The following PCDH15 variants were observed in gnomAD, a reference collection of about 807,000 sequenced individuals.
PCDH15 encodes the protein protocadherin-15.
A neutral mutation model predicts 178.5 loss-of-function variants in PCDH15; 129 were observed. That is an observed-to-expected ratio of 0.72 (90% CI 0.63 to 0.84). PCDH15 has a LOEUF of 0.84. PCDH15 is among the 40% of genes least tolerant of loss of function. The pLI is 0.00. For synonymous variants in PCDH15, 800 were observed against 732.0 expected (o/e 1.09, Z -1.50); for missense variants, 2,230 against 2,099.9 (o/e 1.06, Z -1.21).
In PCDH15 at chr10:53,907,543, T is replaced by A. The variant is rs569634075; in HGVS notation, c.3374-4173A>T. ...AAAGTGTTTTGGTTAAGAGACATTA[T>A]AATTTTTCTGTGTGCTTTGGGGCAC... On this transcript the variant is annotated intron_variant, in intron 25 of 37. Coordinates refer to ENST00000644397, the MANE Select transcript of PCDH15 (RefSeq NM_001384140.1). 3.3e-5 allele frequency among the ~76,000 whole-genome samples: 5 copies of A among 152,320 alleles called. No individual in the cohort carries two copies. The East Asian group carries it at 9.7e-4, about 29-fold the overall frequency.
chr10:54,866,917 T>C (rs1288215176), intron 3 of PCDH15, among the ~76,000 whole-genome samples: 1 of 152,202 alleles, frequency 6.6e-6, no homozygotes, highest in Non-Finnish European at 1.5e-5. Flanking sequence ...AAAAGGTCTC[T>C]TAGGAATATT....
chr10:55,481,019 T>A lies in PCDH15; in HGVS notation c.-156+146606A>T, dbSNP rs188612189. Among the ~76,000 whole-genome samples, 211 of 151,902 alleles carry A rather than the reference T, an allele frequency of 1.4e-3. 2 individuals carry two copies. Among genetic ancestry groups the A allele is most frequent in the African/African-American group, 5.0e-3 (207 of 41,502 alleles). On this transcript the variant is annotated intron_variant, in intron 2 of 5. Coordinates refer to the PCDH15 transcript ENST00000613346. ...ATTACTCCCTCAATTTCAGAACTCA[T>A]TATTGGTCTGATCAGGGATTTGACT...
In PCDH15 at chr10:54,154,086, T is replaced by C. The variant is rs1006009050; in HGVS notation, c.1591-793A>G. ...AAAAGACTTTATTTGGGATATTATA[T>C]GAAAAGATAACAATGATTAACTTCA... On this transcript the variant is annotated intron_variant, in intron 13 of 37. Coordinates refer to ENST00000644397, the MANE Select transcript of PCDH15 (RefSeq NM_001384140.1). Among the ~76,000 whole-genome samples, 3 of 152,168 alleles carry C rather than the reference T, an allele frequency of 2.0e-5. 1 individual carries two copies. The highest frequency in any genetic ancestry group is 2.0e-4 in the Admixed American group (3 of 15,256).
intron 3 of PCDH15, among the ~76,000 whole-genome samples, chr10:54,380,800 A>C (rs1325497914): frequency 1.4e-5 from 2 of 145,972 alleles, no homozygotes; most frequent in African/African-American, 5.1e-5. Flanking sequence ...AACTATCTTT[A>C]CAAAGCAAAT....
chr10:55,601,874 CG>C (rs987893034), intron 2 of PCDH15, among the ~76,000 whole-genome samples: 29 of 152,048 alleles, frequency 1.9e-4, no homozygotes, highest in African/African-American at 6.7e-4. Context: ...TACACACACA[CG>C]GGGGGAGGAG....
chr10:54,321,346 T>A (rs1023717733), intron 7 of PCDH15, among the ~76,000 whole-genome samples: 2 of 150,278 alleles, frequency 1.3e-5, no homozygotes, highest in Admixed American at 1.3e-4. Context: ...AAATAATGAT[T>A]GCTTATGAAG....
chr10:55,027,675 C>T (rs1840507304), intron 2 of PCDH15, among the ~76,000 whole-genome samples: 1 of 151,764 alleles, frequency 6.6e-6, no homozygotes, highest in South Asian at 2.1e-4. Context: ...GATCATAGTT[C>T]ATAATATAGC....
chr10:54,281,604 A>G (rs564414509), intron 8 of PCDH15, among the ~76,000 whole-genome samples: 14 of 152,174 alleles, frequency 9.2e-5, no homozygotes, highest in African/African-American at 3.1e-4. Flanking sequence ...AGGGTATACA[A>G]TGGAAGCAGA....
intron 1 of PCDH15, among the ~76,000 whole-genome samples, chr10:55,265,503 C>T (rs1316587597): frequency 6.6e-6 from 1 of 152,024 alleles, no homozygotes; most frequent in Admixed American, 6.5e-5. Flanking sequence ...TTTGGGGATG[C>T]ACTTTGCATC....
chr10:54,805,352 A>T (rs1330760879), upstream of PCDH15, among the ~76,000 whole-genome samples: 1 of 152,092 alleles, frequency 6.6e-6, no homozygotes, highest in Non-Finnish European at 1.5e-5. Context: ...TGTCTCACCA[A>T]ATTGCCTGGG....
intron 2 of PCDH15, among the ~76,000 whole-genome samples, chr10:54,953,506 A>T (rs1838398165): frequency 6.6e-6 from 1 of 151,438 alleles, no homozygotes. Flanking sequence ...CTTCTTAAGA[A>T]ATCATTATAA....
intron 32 of PCDH15, chr10:53,821,766 T>C: frequency 6.3e-7 from 1 of 1,577,834 alleles, no homozygotes; most frequent in Non-Finnish European, 8.5e-7. Flanking sequence ...TGGGGTAAAA[T>C]AATAGAGTCT....
Position 55,424,122 on chromosome 10 carries a change from T to A in PCDH15, c.-156+203503A>T, listed in dbSNP as rs560905518. Among the ~76,000 whole-genome samples, 71 of 152,252 alleles carry A rather than the reference T, an allele frequency of 4.7e-4. No homozygotes were observed. In the South Asian group the frequency reaches 0.014, roughly 30 times the overall value. On this transcript the variant is annotated intron_variant, in intron 2 of 5. Coordinates refer to the PCDH15 transcript ENST00000613346. ...ATGTCAAACTCCACAAGAAAATGTA[T>A]GAGAAGATGATAGTTATTCCTTCTC... is the stretch of plus-strand genomic sequence containing the variant.
intron 3 of PCDH15, among the ~76,000 whole-genome samples, chr10:54,824,247 A>G (rs935712146): frequency 1.3e-4 from 20 of 152,188 alleles, no homozygotes; most frequent in African/African-American, 4.3e-4. Context: ...AAATACATGT[A>G]TTGAAGCCCA....
intron 2 of PCDH15, among the ~76,000 whole-genome samples, chr10:54,555,801 A>G (rs551150990): frequency 5.9e-5 from 9 of 152,000 alleles, no homozygotes; most frequent in African/African-American, 2.2e-4. Flanking sequence ...TCACCCATTC[A>G]TAATCATATC....
intron 32 of PCDH15, chr10:53,825,054 T>G (rs1215737269): frequency 7.1e-7 from 1 of 1,403,586 alleles, no homozygotes; most frequent in African/African-American, 1.5e-5. Context: ...ATCACTGTAT[T>G]TACAGTACAA....
chr10:54,661,001 T>C (rs2094482381), intron 2 of PCDH15, among the ~76,000 whole-genome samples: 2 of 151,790 alleles, frequency 1.3e-5, no homozygotes, highest in African/African-American at 4.8e-5. Flanking sequence ...CCACAACTAA[T>C]ATCATACTGA....
intron 21 of PCDH15, among the ~76,000 whole-genome samples, chr10:53,991,605 T>C (rs1474158490): frequency 6.6e-6 from 1 of 151,720 alleles, no homozygotes; most frequent in Non-Finnish European, 1.5e-5. Flanking sequence ...GGACTGTAAA[T>C]GCACCAATCA....
At position 53,820,105 on chromosome 10, in the gene PCDH15, G is replaced by A. The variant is rs1412310134; in HGVS notation, c.4433+60C>T. 5 of 396,892 alleles carry A rather than the reference G, an allele frequency of 1.3e-5. No individual in the cohort carries two copies. The East Asian group carries it at 1.8e-4, about 14-fold the overall frequency. The allele number at this position is 396,892 out of a possible 1,614,324, so 24.6% of individuals were successfully genotyped here. A position where few individuals can be genotyped will look rare whatever the true frequency, so the allele number is the denominator to read the frequency against. On this transcript the variant is annotated intron_variant, in intron 33 of 37. Transcript: ENST00000644397. ...TAAATTTTACATTTGCAAAAAGCTG[G>A]TGTAGATATTAGCTTAGAAAAGACA...
Sources: allele counts gnomAD v4.1 joint callset (sites outside exome capture counted in the v4.1 genomes callset), GRCh38; gene constraint gnomAD v4.1.1; transcripts MANE v1.5; gene names NCBI Gene and HGNC (gene_info 2026-07-23, HGNC 2026-07-21).